PSD3: variants seen among roughly 807,000 people sequenced by gnomAD.
PSD3 encodes pleckstrin and Sec7 domain containing 3, also known as PH and SEC7 domain-containing protein 3.
PSD3 carries 49 observed loss-of-function variants against 105.5 expected under a neutral mutation model. The observed-to-expected ratio is 0.46, with a 90% CI of 0.37 to 0.59. The LOEUF is 0.59. Ranked by LOEUF, PSD3 falls within the 20% of genes least tolerant of loss-of-function variation. The pLI, the probability that PSD3 is intolerant of heterozygous loss-of-function variation, is 0.00. For synonymous variants in PSD3, 557 were observed against 457.8 expected (o/e 1.22, Z -2.77); for missense variants, 1,561 against 1,263.8 (o/e 1.24, Z -3.57).
At chr8:18,730,948 T>G (rs1476863746) in intron 9 of PSD3, among the ~76,000 whole-genome samples, 1 of 152,220 alleles carries the variant, frequency 6.6e-6, no homozygotes, top group African/African-American at 2.4e-5. Context: ...AAAGTAATGT[T>G]TATTTTTAAA....
At chr8:18,716,681 G>C (rs1802620083) in intron 9 of PSD3, among the ~76,000 whole-genome samples, 1 of 152,128 alleles carries the variant, frequency 6.6e-6, no homozygotes, top group African/African-American at 2.4e-5. Context: ...TTTAAGCAGA[G>C]GAATAACATG....
intron 8 of PSD3, among the ~76,000 whole-genome samples, chr8:18,776,025 T>C (rs912023814): frequency 1.2e-4 from 18 of 152,102 alleles, no homozygotes; most frequent in Admixed American, 1.0e-3. Flanking sequence ...TTTTTGTAAA[T>C]TGTGAAAGTT....
chr8:18,946,329 G>A (rs1349576043), intron 1 of PSD3, among the ~76,000 whole-genome samples: 1 of 152,138 alleles, frequency 6.6e-6, no homozygotes, highest in Non-Finnish European at 1.5e-5. Context: ...TAATCTCAAT[G>A]GTTTGGGAGG....
At chr8:18,572,215 G>A (rs1358287363) in intron 14 of PSD3, among the ~76,000 whole-genome samples, 2 of 152,206 alleles carry the variant, frequency 1.3e-5, no homozygotes, top group African/African-American at 4.8e-5. Flanking sequence ...AGAAAAGCTT[G>A]TTACCAAGCC....
intron 9 of PSD3, among the ~76,000 whole-genome samples, chr8:18,671,306 A>C (rs1799769478): frequency 6.6e-6 from 1 of 152,206 alleles, no homozygotes; most frequent in Non-Finnish European, 1.5e-5. Flanking sequence ...ATGCTCACTT[A>C]AATTTGAACT....
At chr8:18,564,455 C>T (rs967171846) in intron 14 of PSD3, among the ~76,000 whole-genome samples, 4 of 151,950 alleles carry the variant, frequency 2.6e-5, no homozygotes, top group African/African-American at 9.7e-5. Flanking sequence ...ATGGTGAAAC[C>T]CCGTCTCTAC....
intron 2 of PSD3, among the ~76,000 whole-genome samples, chr8:18,882,819 CATATATAT>C (rs147159946): frequency 0.016 from 2,435 of 151,460 alleles, 76 homozygotes; most frequent in African/African-American, 0.057. Context: ...TATATATATA[CATATATAT>C]AGCTTATGTA....
intron 2 of PSD3, among the ~76,000 whole-genome samples, chr8:18,897,364 TG>T (rs1819218105): frequency 6.6e-6 from 1 of 152,172 alleles, no homozygotes; most frequent in African/African-American, 2.4e-5. Flanking sequence ...TCTGTTCCAT[TG>T]GTCTGTGTAT....
chr8:18,981,804 C>T (rs1034896780), intron 1 of PSD3, among the ~76,000 whole-genome samples: 1 of 152,176 alleles, frequency 6.6e-6, no homozygotes, highest in Non-Finnish European at 1.5e-5. Context: ...AAAATACTGA[C>T]AATCATCTGA....
chr8:18,845,084 T>C (rs1041006492), intron 4 of PSD3, among the ~76,000 whole-genome samples: 1 of 152,178 alleles, frequency 6.6e-6, no homozygotes, highest in Non-Finnish European at 1.5e-5. Context: ...GATAAGTATA[T>C]TCTAAAGGAA....
chr8:18,941,188 C>T (rs1006205803), intron 1 of PSD3, among the ~76,000 whole-genome samples: 5 of 152,190 alleles, frequency 3.3e-5, no homozygotes, highest in African/African-American at 1.2e-4. Context: ...TTTTTACGAA[C>T]ATAAATCTCC....
chr8:18,890,084 C>T (rs917383530), intron 2 of PSD3, among the ~76,000 whole-genome samples: 1 of 151,998 alleles, frequency 6.6e-6, no homozygotes, highest in Non-Finnish European at 1.5e-5. Flanking sequence ...TGCATGATAT[C>T]GAGTTTTATT....
intron 15 of PSD3, among the ~76,000 whole-genome samples, chr8:18,540,327 G>C (rs898552554): frequency 6.6e-6 from 1 of 152,104 alleles, no homozygotes; most frequent in Non-Finnish European, 1.5e-5. Flanking sequence ...AAAAATTTGG[G>C]TGACTTGTTT....
intron 9 of PSD3, among the ~76,000 whole-genome samples, chr8:18,699,346 C>A (rs1442855609): frequency 6.6e-6 from 1 of 152,194 alleles, no homozygotes; most frequent in Admixed American, 6.5e-5. Context: ...GCTTTGACAA[C>A]CATGTAAACA....
intron 1 of PSD3, among the ~76,000 whole-genome samples, chr8:19,009,502 G>C (rs1033095646): frequency 2.6e-5 from 4 of 152,110 alleles, no homozygotes; most frequent in African/African-American, 9.7e-5. Context: ...GGGGAATAAG[G>C]GAGACAACCC....
chr8:19,071,785 C>T (rs903065062), intron 1 of PSD3, among the ~76,000 whole-genome samples: 2 of 152,062 alleles, frequency 1.3e-5, no homozygotes. Context: ...CAATGGCTCA[C>T]TGCAGCCTCC....
chr8:18,698,166 A>G (rs1299142792), intron 9 of PSD3, among the ~76,000 whole-genome samples: 2 of 152,198 alleles, frequency 1.3e-5, no homozygotes, highest in East Asian at 3.8e-4. Context: ...TGGTGCGATC[A>G]TAGCTCATTG....
chr8:18,624,384 C>A (rs1489372961), intron 11 of PSD3, among the ~76,000 whole-genome samples: 1 of 151,606 alleles, frequency 6.6e-6, no homozygotes, highest in African/African-American at 2.4e-5. Flanking sequence ...TATTGATCAT[C>A]TCAGTTTCAT....
chr8:18,996,874 C>G (rs11778938), intron 1 of PSD3, among the ~76,000 whole-genome samples: 45,073 of 151,770 alleles, frequency 0.3, 7,799 homozygotes, highest in East Asian at 0.39. Context: ...AATGACATCT[C>G]CATTGCTAAA....
Sources: allele counts gnomAD v4.1 joint callset (sites outside exome capture counted in the v4.1 genomes callset), GRCh38; gene constraint gnomAD v4.1.1; transcripts MANE v1.5; gene names NCBI Gene and HGNC (gene_info 2026-07-23, HGNC 2026-07-21).